Variants in NRCAM observed in about 807,000 individuals in gnomAD.
The protein encoded by NRCAM is NgCAM-related cell adhesion molecule.
In NRCAM, 83 loss-of-function variants were observed where a neutral mutation model predicts 156.5. That is an observed-to-expected ratio of 0.53 (90% CI 0.44 to 0.64). The LOEUF (loss-of-function observed/expected upper bound fraction) is 0.64. Among genes scored for constraint, NRCAM ranks in the 30% least tolerant of loss-of-function variants. The pLI, the probability that NRCAM is intolerant of heterozygous loss-of-function variation, is 0.00. For synonymous variants in NRCAM, 538 were observed against 563.9 expected, an observed-to-expected ratio of 0.95 and a Z score of 0.65; for missense variants, 1,417 against 1,597.3, an observed-to-expected ratio of 0.89 and a Z score of 1.92.
chr7:108,217,770 C>T (rs1054171740), intron 11 of NRCAM, among the ~76,000 whole-genome samples: 2 of 152,186 alleles, frequency 1.3e-5, no homozygotes, highest in Non-Finnish European at 2.9e-5. Flanking sequence ...GCCCATACCC[C>T]ACCAACTTAG....
chr7:108,176,635 A>C (rs2060583389), intron 26 of NRCAM, 29 bp from the exon 27 acceptor site: 4 of 1,529,554 alleles, frequency 2.6e-6, no homozygotes, highest in Middle Eastern at 3.4e-4. Context: ...GAACAAGTGC[A>C]TTCTCCATTA....
intron 20 of NRCAM, among the ~76,000 whole-genome samples, chr7:108,186,376 A>G (rs2066811506): frequency 6.6e-6 from 1 of 152,190 alleles, no homozygotes. Context: ...TAGTACCAAA[A>G]CTAATTCTAA....
At chr7:108,276,309 ATCTG>A (rs1276985090) in intron 3 of NRCAM, among the ~76,000 whole-genome samples, 9 of 152,144 alleles carry the variant, frequency 5.9e-5, no homozygotes, top group Non-Finnish European at 7.3e-5. Flanking sequence ...TGTCTTGTTG[ATCTG>A]TCTAATATTC....
chr7:108,307,484 C>T (rs1467377013), intron 3 of NRCAM, among the ~76,000 whole-genome samples: 3 of 152,158 alleles, frequency 2.0e-5, no homozygotes, highest in Non-Finnish European at 2.9e-5. Flanking sequence ...CTCCTGTATT[C>T]GTGGTAGTTT....
At chr7:108,245,034 G>A (rs112931933) in intron 3 of NRCAM, among the ~76,000 whole-genome samples, 6 of 152,272 alleles carry the variant, frequency 3.9e-5, no homozygotes, top group African/African-American at 7.2e-5. Context: ...CAGGCACAGC[G>A]ATGAGTCTCC....
At chr7:108,210,819 G>C (rs1480602089) in intron 11 of NRCAM, among the ~76,000 whole-genome samples, 2 of 152,198 alleles carry the variant, frequency 1.3e-5, no homozygotes, top group Non-Finnish European at 2.9e-5. Flanking sequence ...GTGTTGGGAA[G>C]ATGATGAAGA....
At chr7:108,293,387 C>A (rs968869259) in intron 3 of NRCAM, among the ~76,000 whole-genome samples, 2 of 152,174 alleles carry the variant, frequency 1.3e-5, no homozygotes, top group Admixed American at 6.5e-5. Context: ...GCTAGCTGCC[C>A]TTCCTTCCTG....
At chr7:108,455,023 G>A (rs1324358643) in intron 1 of NRCAM, among the ~76,000 whole-genome samples, 2 of 152,190 alleles carry the variant, frequency 1.3e-5, no homozygotes, top group Non-Finnish European at 1.5e-5. Context: ...GGGGCCACCC[G>A]CCAGCGTACG....
chr7:108,439,852 A>AAAAAGGAC (rs1836643922), intron 1 of NRCAM, among the ~76,000 whole-genome samples: 1 of 151,640 alleles, frequency 6.6e-6, no homozygotes, highest in African/African-American at 2.4e-5. Flanking sequence ...AAAAAAAAAA[A>AAAAAGGAC]AAGGACAGGC....
In NRCAM at chr7:108,182,773, G is replaced by C. The variant is rs1198841278; in HGVS notation, c.2452C>G (p.Leu818Val). ...VSGTPTFVPYLIKVQALNDMG... is the reference protein window; with the variant it reads ...VSGTPTFVPYVIKVQALNDMG... ...TCATTCAGGGCCTGAACTTTGATCA[G>C]GTATGGAACAAAGGTTGGCGTGCCT... Residue 818 changes from leucine to valine, a missense_variant, in exon 23 of 33, where the codon CTG becomes GTG. Leu to Val is a conservative substitution (Grantham distance 32). This residue lies in a region of NRCAM where 1,238 missense variants were observed against 1,336.4 expected (regional missense o/e 0.93). Coordinates refer to ENST00000379028, the MANE Select transcript of NRCAM (RefSeq NM_001037132.4). 6.2e-7 allele frequency: 1 copy of C among 1,614,184 alleles called. No homozygotes were observed. The highest frequency in any genetic ancestry group is 8.5e-7 in the Non-Finnish European group (1 of 1,180,034).
chr7:108,357,948 G>GA (rs2099517818), intron 2 of NRCAM, among the ~76,000 whole-genome samples: 2 of 92,760 alleles, frequency 2.2e-5, no homozygotes, highest in Non-Finnish European at 4.5e-5. Flanking sequence ...CATATGGTAG[G>GA]GAGGGTGGGG....
chr7:108,407,484 T>C (rs1204167145), intron 1 of NRCAM, among the ~76,000 whole-genome samples: 1 of 152,212 alleles, frequency 6.6e-6, no homozygotes. Flanking sequence ...TCATCTAAGA[T>C]TGTGATCAAC....
intron 27 of NRCAM, 61 bp from the exon 28 acceptor site, chr7:108,175,418 A>G: frequency 7.5e-7 from 1 of 1,336,866 alleles, no homozygotes; most frequent in Non-Finnish European, 1.0e-6. Flanking sequence ...ACCCATGAGC[A>G]TGTATAGCGA....
chr7:108,325,631 C>T (rs2111202), intron 2 of NRCAM, among the ~76,000 whole-genome samples: 40,135 of 151,760 alleles, frequency 0.26, 6,332 homozygotes, highest in East Asian at 0.55. Flanking sequence ...TTTGCCTTAA[C>T]GCTTATCATG....
intron 2 of NRCAM, among the ~76,000 whole-genome samples, chr7:108,369,766 G>C (rs559712325): frequency 6.6e-6 from 1 of 152,106 alleles, no homozygotes; most frequent in East Asian, 1.9e-4. Flanking sequence ...TTATAATTAA[G>C]CATCTGTTTG....
chr7:108,164,407 C>T (rs2052219002), intron 30 of NRCAM, among the ~76,000 whole-genome samples: 1 of 152,020 alleles, frequency 6.6e-6, no homozygotes, highest in African/African-American at 2.4e-5. Flanking sequence ...GATGAAATAA[C>T]TATAGATAAA....
intron 2 of NRCAM, among the ~76,000 whole-genome samples, chr7:108,323,150 A>G (rs1206024615): frequency 1.3e-5 from 2 of 152,218 alleles, no homozygotes; most frequent in African/African-American, 4.8e-5. Flanking sequence ...CTATGCTAAT[A>G]CAAGCGCCCT....
At position 108,295,526 on chromosome 7, in the gene NRCAM, G is replaced by A. The variant is rs569286046; in HGVS notation, c.-107+17139C>T. Among the ~76,000 whole-genome samples, 7 of 152,200 alleles carry A rather than the reference G, an allele frequency of 4.6e-5. 1 individual carries two copies. In the South Asian group the frequency reaches 1.4e-3, roughly 32 times the overall value. On this transcript the variant is annotated intron_variant, in intron 3 of 32. Transcript: ENST00000379028. ...AGAATAGGGCAAGACAGCTCCCCGGGGCCTCTTCCTAAAGGCACTAATCCC... is the reference window on the plus strand; with the variant it reads ...AGAATAGGGCAAGACAGCTCCCCGGAGCCTCTTCCTAAAGGCACTAATCCC...
chr7:108,306,355 C>T (rs1320313540), intron 3 of NRCAM, among the ~76,000 whole-genome samples: 6 of 152,022 alleles, frequency 3.9e-5, no homozygotes, highest in Admixed American at 3.9e-4. Flanking sequence ...TTTGCTTTTA[C>T]CAATGTTAAA....
Sources: gnomAD v4.1 joint callset for allele counts (sites outside exome capture counted in the v4.1 genomes callset) on GRCh38, gnomAD v4.1.1 for gene constraint, gnomAD v4.1.1 regional missense constraint, MANE v1.5 for transcripts, NCBI Gene and HGNC (gene_info 2026-07-23, HGNC 2026-07-21) for gene names.